Variants in EPHA6 observed in about 807,000 individuals in gnomAD.
The protein encoded by EPHA6 is EPH receptor A6.
A neutral mutation model predicts 112.0 loss-of-function variants in EPHA6; 50 were observed. That is an observed-to-expected ratio of 0.45 (90% CI 0.36 to 0.56). The LOEUF (loss-of-function observed/expected upper bound fraction) is 0.56, where lower values mean the gene tolerates loss of function less well. EPHA6 is among the 20% of genes least tolerant of loss of function. EPHA6 has a pLI of 0.00. For missense variants in EPHA6, 1,280 were observed against 1,417.4 expected (o/e 0.90, Z 1.56); for synonymous variants, 529 against 490.7 (o/e 1.08, Z -1.03).
At chr3:96,852,385 C>T (rs2035446094) in intron 1 of EPHA6, among the ~76,000 whole-genome samples, 1 of 151,894 alleles carries the variant, frequency 6.6e-6, no homozygotes, top group Non-Finnish European at 1.5e-5. Flanking sequence ...GCTGAGATGG[C>T]ACCATTGCAC....
chr3:97,386,766 G>T (rs1398610974), intron 5 of EPHA6, among the ~76,000 whole-genome samples: 1 of 152,186 alleles, frequency 6.6e-6, no homozygotes, highest in African/African-American at 2.4e-5. Flanking sequence ...TTTGCCCTTT[G>T]CACTGCCATA....
chr3:97,475,589 T>C (rs1380576408), intron 8 of EPHA6, 129 bp downstream of exon 8: 5 of 591,240 alleles, frequency 8.5e-6, no homozygotes, highest in Admixed American at 6.4e-5. Flanking sequence ...AAGAATCCAC[T>C]CTGACAGTGA....
At chr3:96,925,123 G>T (rs191144481) in intron 2 of EPHA6, among the ~76,000 whole-genome samples, 1 of 152,190 alleles carries the variant, frequency 6.6e-6, no homozygotes, top group Non-Finnish European at 1.5e-5. Context: ...TCTCTGATAG[G>T]TATATATGTT....
chr3:96,876,965 G>T (rs4327407), intron 2 of EPHA6, among the ~76,000 whole-genome samples: 38,295 of 151,974 alleles, frequency 0.25, 9,055 homozygotes, highest in African/African-American at 0.6. Flanking sequence ...TCTTTTACCA[G>T]ATTGTAAACT....
intron 1 of EPHA6, among the ~76,000 whole-genome samples, chr3:96,866,155 A>G (rs7639342): frequency 0.19 from 29,224 of 152,040 alleles, 4,673 homozygotes; most frequent in African/African-American, 0.4. Context: ...TTAATTGCTA[A>G]GATGTTAATA....
At chr3:97,630,847 C>A (rs1420631021) in intron 13 of EPHA6, among the ~76,000 whole-genome samples, 1 of 151,924 alleles carries the variant, frequency 6.6e-6, no homozygotes, top group Non-Finnish European at 1.5e-5. Flanking sequence ...CTTCCAAGTC[C>A]TCAAATATAA....
At position 97,332,593 on chromosome 3, in the gene EPHA6, A is replaced by G. The variant is rs1236586968; in HGVS notation, c.1607-72557A>G. Among the ~76,000 whole-genome samples, 9 of 152,206 alleles carry G rather than the reference A, an allele frequency of 5.9e-5. No individual in the cohort carries two copies. The East Asian group carries it at 1.7e-3, about 29-fold the overall frequency. On this transcript the variant is annotated intron_variant, in intron 5 of 17. Transcript: ENST00000389672. ...AAAGTTTTATGTTTTTATGTTCTAA[A>G]TTTAAGTATATTTACATGTATGTCA...
intron 5 of EPHA6, among the ~76,000 whole-genome samples, chr3:97,345,460 C>A (rs2083488389): frequency 6.6e-6 from 1 of 152,054 alleles, no homozygotes; most frequent in Non-Finnish European, 1.5e-5. Flanking sequence ...TAAAAGGACT[C>A]CATAAAAGCA....
At chr3:97,717,186 G>A (rs1351066196) in intron 14 of EPHA6, among the ~76,000 whole-genome samples, 3 of 146,226 alleles carry the variant, frequency 2.1e-5, no homozygotes, top group East Asian at 4.0e-4. Flanking sequence ...AGCCAGGATC[G>A]CGCCATTGCA....
intron 5 of EPHA6, among the ~76,000 whole-genome samples, chr3:97,247,262 T>C (rs1265450185): frequency 1.3e-5 from 2 of 151,984 alleles, no homozygotes; most frequent in Non-Finnish European, 2.9e-5. Flanking sequence ...AATGCAAAAT[T>C]GATAAGTGTT....
chr3:97,705,655 A>G (rs2033639085), intron 14 of EPHA6, among the ~76,000 whole-genome samples: 1 of 152,198 alleles, frequency 6.6e-6, no homozygotes, highest in Non-Finnish European at 1.5e-5. Flanking sequence ...ACAGTAGAGA[A>G]CAAAAGAAAA....
chr3:97,627,837 T>C (rs945616154), intron 13 of EPHA6, among the ~76,000 whole-genome samples: 2 of 151,956 alleles, frequency 1.3e-5, no homozygotes, highest in African/African-American at 4.8e-5. Flanking sequence ...TTTAAAAATC[T>C]CAAGTTCCAG....
At chr3:97,461,266 G>A (rs547824401) in intron 7 of EPHA6, among the ~76,000 whole-genome samples, 32 of 152,298 alleles carry the variant, frequency 2.1e-4, no homozygotes, top group African/African-American at 7.0e-4. Flanking sequence ...AAGAGAATTA[G>A]CAAAGAGGAA....
chr3:97,240,402 G>A (rs1378355365), intron 4 of EPHA6, among the ~76,000 whole-genome samples: 1 of 151,812 alleles, frequency 6.6e-6, no homozygotes, highest in Non-Finnish European at 1.5e-5. Context: ...AACAAAGGTA[G>A]TAACTTAAGA....
At chr3:97,403,743 G>A (rs1485690753) in intron 5 of EPHA6, among the ~76,000 whole-genome samples, 1 of 152,184 alleles carries the variant, frequency 6.6e-6, no homozygotes, top group Non-Finnish European at 1.5e-5. Context: ...ACCGCGCCCG[G>A]CCTTTTAAAG....
intron 14 of EPHA6, among the ~76,000 whole-genome samples, chr3:97,696,015 T>C (rs1010137221): frequency 1.3e-5 from 2 of 152,230 alleles, no homozygotes; most frequent in East Asian, 1.9e-4. Context: ...TGAAAAGATA[T>C]TTACCAAGTT....
intron 5 of EPHA6, among the ~76,000 whole-genome samples, chr3:97,251,514 G>A (rs2079140860): frequency 6.6e-6 from 1 of 151,684 alleles, no homozygotes; most frequent in Admixed American, 6.6e-5. Flanking sequence ...GACGACAGAG[G>A]GAGACTCCGT....
intron 6 of EPHA6, among the ~76,000 whole-genome samples, chr3:97,413,672 A>C (rs2087898295): frequency 6.6e-6 from 1 of 152,050 alleles, no homozygotes; most frequent in Admixed American, 6.6e-5. Context: ...TGCATGGCTC[A>C]GTTCCCAAGC....
Position 97,154,708 on chromosome 3 carries a change from C to T in EPHA6, c.1115-71556C>T, listed in dbSNP as rs905906922. ...TACAACATTGACTACTATTATGCAT[C>T]TGTTTACTCAGATTTTGTGAACATT... is the stretch of plus-strand genomic sequence containing the variant. On this transcript the variant is annotated intron_variant, in intron 3 of 17. Coordinates refer to ENST00000389672, the MANE Select transcript of EPHA6 (RefSeq NM_001080448.3). Among the ~76,000 whole-genome samples the T allele has an allele frequency of 3.1e-4, 47 of 152,242 alleles. 1 individual carries two copies. The highest frequency in any genetic ancestry group is 8.9e-4 in the African/African-American group (37 of 41,552).
Sources: allele counts gnomAD v4.1 joint callset (sites outside exome capture counted in the v4.1 genomes callset), GRCh38; gene constraint gnomAD v4.1.1; transcripts MANE v1.5; gene names NCBI Gene and HGNC (gene_info 2026-07-23, HGNC 2026-07-21).